BRINP3: variants seen among roughly 807,000 people sequenced by gnomAD.
BRINP3 encodes the protein BMP/retinoic acid inducible neural specific 3, also known as BMP/retinoic acid-inducible neural-specific protein 3.
BRINP3 carries 19 observed loss-of-function variants against 71.0 expected under a neutral mutation model. The ratio of observed to expected loss-of-function variants is 0.27; its 90% CI spans 0.19 to 0.39. BRINP3 has a LOEUF of 0.39. BRINP3 is among the 10% of genes least tolerant of loss of function. BRINP3 has a pLI of 1.00. For missense variants in BRINP3, 959 were observed against 940.8 expected, an observed-to-expected ratio of 1.02 and a Z score of -0.25; for synonymous variants, 380 against 337.7, an observed-to-expected ratio of 1.13 and a Z score of -1.37.
chr1:190,364,702 T>A (rs1054044563), intron 2 of BRINP3, among the ~76,000 whole-genome samples: 3 of 152,116 alleles, frequency 2.0e-5, no homozygotes, highest in Admixed American at 6.6e-5. Context: ...ACATCTTGAG[T>A]AATCTTAAAC....
At position 190,150,146 on chromosome 1, in the gene BRINP3, A is replaced by T. The variant is rs57362585; in HGVS notation, c.1184+10522T>A. Among the ~76,000 whole-genome samples, 639 of 152,206 alleles carry T rather than the reference A, an allele frequency of 4.2e-3. 6 individuals are homozygous for T. Among genetic ancestry groups the T allele is most frequent in the African/African-American group, 0.015 (616 of 41,526 alleles). On this transcript the variant is annotated intron_variant, in intron 7 of 7. Transcript: ENST00000367462. ...ATAAAACCATTTTCACTTTTAGAAA[A>T]CAGTGTCTTAATTTAATGCTCAAGG...
intron 7 of BRINP3, among the ~76,000 whole-genome samples, chr1:190,135,883 ACT>A (rs1187026712): frequency 6.6e-6 from 1 of 151,994 alleles, no homozygotes; most frequent in African/African-American, 2.4e-5. Context: ...TATTTCTCTA[ACT>A]CTCTTATCTC....
chr1:190,416,792 T>A (rs568523006), intron 2 of BRINP3, among the ~76,000 whole-genome samples: 266 of 152,266 alleles, frequency 1.7e-3, no homozygotes, highest in African/African-American at 6.2e-3. Context: ...ATTATTTTAA[T>A]CCCAGGTTTT....
At chr1:190,300,212 C>A (rs1664572254) in intron 2 of BRINP3, among the ~76,000 whole-genome samples, 1 of 152,148 alleles carries the variant, frequency 6.6e-6, no homozygotes, top group South Asian at 2.1e-4. Flanking sequence ...TTGGTCTTTT[C>A]ACATAGTCCC....
chr1:190,295,213 C>A (rs1664159644), intron 2 of BRINP3, among the ~76,000 whole-genome samples: 1 of 152,126 alleles, frequency 6.6e-6, no homozygotes, highest in African/African-American at 2.4e-5. Context: ...CCGGTTTGTT[C>A]TGCCAGGATG....
At chr1:190,349,069 G>A (rs1268765264) in intron 2 of BRINP3, among the ~76,000 whole-genome samples, 1 of 152,092 alleles carries the variant, frequency 6.6e-6, no homozygotes, top group Non-Finnish European at 1.5e-5. Flanking sequence ...GAGATGGTAT[G>A]TTGATCGGCC....
At chr1:190,339,970 A>T (rs987254635) in intron 2 of BRINP3, among the ~76,000 whole-genome samples, 1 of 151,936 alleles carries the variant, frequency 6.6e-6, no homozygotes, top group African/African-American at 2.4e-5. Context: ...TTTATTAGAC[A>T]GGTGCCTTAT....
intron 2 of BRINP3, among the ~76,000 whole-genome samples, chr1:190,290,400 T>C (rs1471690100): frequency 1.3e-5 from 2 of 152,176 alleles, no homozygotes; most frequent in African/African-American, 2.4e-5. Context: ...TTAATTTCTC[T>C]AATCTATGCC....
intron 2 of BRINP3, among the ~76,000 whole-genome samples, chr1:190,318,398 T>C (rs1288805762): frequency 6.6e-6 from 1 of 152,120 alleles, no homozygotes; most frequent in Non-Finnish European, 1.5e-5. Context: ...TTCACTTGAT[T>C]ACAGGAGTTA....
chr1:190,407,851 C>T (rs1050396778), intron 2 of BRINP3, among the ~76,000 whole-genome samples: 2 of 151,950 alleles, frequency 1.3e-5, no homozygotes, highest in Non-Finnish European at 2.9e-5. Flanking sequence ...GTATTATATA[C>T]AAATTTATTA....
At chr1:190,421,569 C>T (rs930508822) in intron 2 of BRINP3, among the ~76,000 whole-genome samples, 4 of 151,352 alleles carry the variant, frequency 2.6e-5, no homozygotes, top group African/African-American at 9.7e-5. Flanking sequence ...TTATGAATAT[C>T]GGCATCATTT....
At chr1:190,302,898 A>G (rs556387913) in intron 2 of BRINP3, 3 of 151,916 alleles carry the variant, frequency 2.0e-5, no homozygotes, top group African/African-American at 7.2e-5. Flanking sequence ...TTGTTATAAA[A>G]CATAATTAAT....
chr1:190,159,292 C>T (rs1657139645), intron 7 of BRINP3, among the ~76,000 whole-genome samples: 1 of 152,054 alleles, frequency 6.6e-6, no homozygotes, highest in African/African-American at 2.4e-5. Context: ...GGTGCAGCCA[C>T]TGTGAAAAAC....
chr1:190,206,997 T>G (rs1571361896), intron 6 of BRINP3, among the ~76,000 whole-genome samples: 1 of 119,004 alleles, frequency 8.4e-6, no homozygotes, highest in African/African-American at 3.2e-5. Context: ...TGTTTTTTTG[T>G]TTTTTTTTTT....
chr1:190,162,178 G>A lies in BRINP3; in HGVS notation c.962-1288C>T, dbSNP rs527735497. Among the ~76,000 whole-genome samples the A allele has an allele frequency of 1.1e-4, 17 of 150,962 alleles. No individual in the cohort carries two copies. The South Asian group carries it at 2.9e-3, about 26-fold the overall frequency. ...TCAAACCATTTTTTAAGTAAGCAGA[G>A]TTTAAATAATAGATGCATTTTTTTT... On this transcript the variant is annotated intron_variant, in intron 6 of 7. Coordinates refer to ENST00000367462, the MANE Select transcript of BRINP3 (RefSeq NM_199051.3).
chr1:190,120,453 A>G (rs778446224), intron 7 of BRINP3, among the ~76,000 whole-genome samples: 2 of 152,086 alleles, frequency 1.3e-5, no homozygotes, highest in Non-Finnish European at 2.9e-5. Flanking sequence ...AAGCATTTAA[A>G]TACAATTTTA....
At chr1:190,361,495 A>G (rs966740887) in intron 2 of BRINP3, among the ~76,000 whole-genome samples, 6 of 151,986 alleles carry the variant, frequency 3.9e-5, no homozygotes, top group African/African-American at 1.2e-4. Flanking sequence ...CCCCGCCTCC[A>G]GGGTTCAACT....
intron 2 of BRINP3, among the ~76,000 whole-genome samples, chr1:190,347,144 T>A (rs1479382834): frequency 6.6e-6 from 1 of 152,030 alleles, no homozygotes; most frequent in Non-Finnish European, 1.5e-5. Context: ...ATAATTATTA[T>A]TATTATCTTT....
chr1:190,158,706 A>T (rs1657083056), intron 7 of BRINP3, among the ~76,000 whole-genome samples: 1 of 152,088 alleles, frequency 6.6e-6, no homozygotes, highest in African/African-American at 2.4e-5. Context: ...CCAGAAAAAG[A>T]AAATGACATT....
Sources: gnomAD v4.1 joint callset for allele counts (sites outside exome capture counted in the v4.1 genomes callset) on GRCh38, gnomAD v4.1.1 for gene constraint, MANE v1.5 for transcripts, NCBI Gene and HGNC (gene_info 2026-07-23, HGNC 2026-07-21) for gene names.